Variants in CA10 observed in about 807,000 individuals in gnomAD.
CA10 encodes the protein carbonic anhydrase-related protein 10.
CA10 carries 14 observed loss-of-function variants against 44.2 expected under a neutral mutation model. That is an observed-to-expected ratio of 0.32 (90% CI 0.21 to 0.50). CA10 has a LOEUF of 0.50. Among genes scored for constraint, CA10 ranks in the 20% least tolerant of loss-of-function variants. The probability of loss-of-function intolerance (pLI) is 0.99; values close to 1 mark genes in which losing one functional copy is unlikely to be tolerated. For synonymous variants in CA10, 159 were observed against 141.6 expected, an observed-to-expected ratio of 1.12 and a Z score of -0.87; for missense variants, 350 against 409.7, an observed-to-expected ratio of 0.85 and a Z score of 1.26.
intron 4 of CA10, among the ~76,000 whole-genome samples, chr17:51,660,351 C>T (rs971547664): frequency 6.6e-6 from 1 of 152,196 alleles, no homozygotes; most frequent in Non-Finnish European, 1.5e-5. Flanking sequence ...GAAGTGGAAG[C>T]CTGAAAACCA....
chr17:51,970,959 G>T (rs1417181349), intron 2 of CA10, among the ~76,000 whole-genome samples: 1 of 152,016 alleles, frequency 6.6e-6, no homozygotes, highest in African/African-American at 2.4e-5. Context: ...GGATTTGCAT[G>T]GGAAATATTG....
chr17:52,033,104 C>T (rs974575790), intron 2 of CA10, among the ~76,000 whole-genome samples: 3 of 152,010 alleles, frequency 2.0e-5, no homozygotes, highest in African/African-American at 7.2e-5. Flanking sequence ...GAAATTTTTG[C>T]GTTGGGTCAT....
chr17:51,931,390 C>G (rs1257452755), intron 2 of CA10, among the ~76,000 whole-genome samples: 1 of 152,170 alleles, frequency 6.6e-6, no homozygotes, highest in East Asian at 1.9e-4. Context: ...TTGTTGACTG[C>G]AGTCATCATT....
At chr17:52,092,419 G>A (rs930338811) in intron 1 of CA10, among the ~76,000 whole-genome samples, 2 of 152,076 alleles carry the variant, frequency 1.3e-5, no homozygotes, top group Non-Finnish European at 2.9e-5. Context: ...TTGTCCAAAG[G>A]CCACCTATTC....
chr17:51,906,239 A>C (rs1981545818), intron 3 of CA10, among the ~76,000 whole-genome samples: 2 of 151,768 alleles, frequency 1.3e-5, no homozygotes, highest in African/African-American at 2.4e-5. Context: ...TGTCTTCGCT[A>C]TCTCATTCTA....
At chr17:51,648,602 C>T (rs1426712004) in intron 6 of CA10, among the ~76,000 whole-genome samples, 2 of 152,162 alleles carry the variant, frequency 1.3e-5, no homozygotes, top group Admixed American at 1.3e-4. Flanking sequence ...TTTTTCCTTC[C>T]TCCTTCAACT....
intron 3 of CA10, among the ~76,000 whole-genome samples, chr17:51,833,626 G>C (rs1243038214): frequency 6.6e-6 from 1 of 152,148 alleles, no homozygotes; most frequent in Non-Finnish European, 1.5e-5. Flanking sequence ...CATTTTGAAA[G>C]GCAGGACTGT....
At chr17:52,110,675 G>T (rs1988770541) in intron 1 of CA10, among the ~76,000 whole-genome samples, 1 of 152,166 alleles carries the variant, frequency 6.6e-6, no homozygotes, top group South Asian at 2.1e-4. Context: ...CCACAGGGAG[G>T]TCTGAAGCAT....
intron 2 of CA10, among the ~76,000 whole-genome samples, chr17:52,064,652 G>A (rs1012002149): frequency 1.3e-5 from 2 of 151,774 alleles, no homozygotes; most frequent in Non-Finnish European, 2.9e-5. Flanking sequence ...TACCTTCCTT[G>A]TCCAATAATC....
At chr17:52,159,630 G>C (rs1989899472), upstream of CA10, 2 of 152,190 alleles carry the variant, frequency 1.3e-5, no homozygotes, top group South Asian at 4.1e-4. Context: ...CACACACCCA[G>C]CGCGCGGCTC....
intron 1 of CA10, among the ~76,000 whole-genome samples, chr17:52,114,689 A>T (rs1253001350): frequency 2.0e-5 from 3 of 152,158 alleles, no homozygotes; most frequent in Non-Finnish European, 4.4e-5. Flanking sequence ...AGCTATAACA[A>T]GTTGGAGTTT....
At chr17:51,742,139 A>G (rs1466660099) in intron 4 of CA10, among the ~76,000 whole-genome samples, 3 of 152,112 alleles carry the variant, frequency 2.0e-5, no homozygotes, top group Non-Finnish European at 2.9e-5. Context: ...GGGAGGAGAG[A>G]AAGGGGCTTG....
intron 4 of CA10, among the ~76,000 whole-genome samples, chr17:51,704,770 C>T (rs1915709372): frequency 6.6e-6 from 1 of 152,076 alleles, no homozygotes; most frequent in African/African-American, 2.4e-5. Context: ...CAAGACCAGC[C>T]TGGCCAACAT....
intron 3 of CA10, among the ~76,000 whole-genome samples, chr17:51,924,233 CA>C (rs1165967683): frequency 2.0e-5 from 3 of 152,004 alleles, no homozygotes; most frequent in African/African-American, 4.8e-5. Flanking sequence ...ATATTGTGGC[CA>C]AAGCACAGAT....
In CA10 at chr17:51,653,748, G is replaced by A; in HGVS notation, c.466-12C>T. 1 of 1,482,794 alleles carries A rather than the reference G, an allele frequency of 6.7e-7. No homozygotes were observed. The highest frequency in any genetic ancestry group is 9.4e-7 in the Non-Finnish European group (1 of 1,060,658). The allele number at this position is 1,482,794 out of a possible 1,614,324, so 91.9% of individuals were successfully genotyped here. A position where few individuals can be genotyped will look rare whatever the true frequency, so the allele number is the denominator to read the frequency against. ...TGGATGAGCTGCACCTGGCAGGAGG[G>A]AAAAACAAGAATCAGAACAATAATC... On this transcript the variant is annotated splice_polypyrimidine_tract_variant and intron_variant, in intron 4 of 8. Transcript: ENST00000451037.
At chr17:52,145,496 C>G (rs1378453417) in intron 1 of CA10, among the ~76,000 whole-genome samples, 2 of 152,148 alleles carry the variant, frequency 1.3e-5, no homozygotes, top group African/African-American at 4.8e-5. Context: ...TAACTTCCAT[C>G]CTAGTAATCT....
At chr17:51,934,926 C>T (rs940799788) in intron 2 of CA10, among the ~76,000 whole-genome samples, 11 of 152,084 alleles carry the variant, frequency 7.2e-5, no homozygotes, top group Non-Finnish European at 1.2e-4. Flanking sequence ...TGGTTTAGGA[C>T]GAAGGCTGTG....
chr17:51,876,297 G>A (rs1422706343), intron 3 of CA10, among the ~76,000 whole-genome samples: 1 of 149,072 alleles, frequency 6.7e-6, no homozygotes, highest in Non-Finnish European at 1.5e-5. Flanking sequence ...CTCTTGAGTA[G>A]CTGGGACTAC....
intron 3 of CA10, among the ~76,000 whole-genome samples, chr17:51,832,206 T>C (rs554402585): frequency 5.5e-4 from 84 of 152,300 alleles, no homozygotes; most frequent in Non-Finnish European, 4.4e-4. Flanking sequence ...CCCTGCCTCA[T>C]GGATTGTTGT....
Sources: gnomAD v4.1 joint callset for allele counts (sites outside exome capture counted in the v4.1 genomes callset) on GRCh38, gnomAD v4.1.1 for gene constraint, MANE v1.5 for transcripts, NCBI Gene and HGNC (gene_info 2026-07-23, HGNC 2026-07-21) for gene names.